The following IMMP1L variants were observed in gnomAD, a reference collection of about 807,000 sequenced individuals.
IMMP1L encodes mitochondrial inner membrane protease subunit 1.
IMMP1L carries 24 observed loss-of-function variants against 21.8 expected under a neutral mutation model. The ratio of observed to expected loss-of-function variants is 1.10; its 90% CI spans 0.80 to 1.55. The LOEUF is 1.55. Among genes scored for constraint, IMMP1L ranks in the 40% most tolerant of loss-of-function variants. The probability of loss-of-function intolerance (pLI) is 0.00; values close to 1 mark genes in which losing one functional copy is unlikely to be tolerated. For synonymous variants in IMMP1L, 46 were observed against 62.8 expected (o/e 0.73, Z 1.26); for missense variants, 195 against 200.7 (o/e 0.97, Z 0.17).
intron 4 of IMMP1L, among the ~76,000 whole-genome samples, chr11:31,442,522 CAA>C (rs1222388916): frequency 2.0e-5 from 3 of 152,122 alleles, no homozygotes; most frequent in Admixed American, 1.3e-4. Context: ...GTTTGACCTT[CAA>C]AAGTTTCAAA....
In IMMP1L at chr11:31,432,492, A is replaced by T; in HGVS notation, c.*8T>A. ...AGACAATAATCAAGTCAAAAGAATA[A>T]ATGCTTACTAATCATCAGAAAATCT... On this transcript the variant is annotated 3_prime_UTR_variant, in exon 6 of 6. Transcript: ENST00000532287. 1 of 1,601,848 alleles carries T rather than the reference A, an allele frequency of 6.2e-7. No individual in the cohort carries two copies. Among genetic ancestry groups the T allele is most frequent in the South Asian group, 1.1e-5 (1 of 90,768 alleles).
chr11:31,459,162 A>G (rs1276122921), intron 3 of IMMP1L, among the ~76,000 whole-genome samples: 1 of 152,252 alleles, frequency 6.6e-6, no homozygotes, highest in African/African-American at 2.4e-5. Context: ...TGGGTAAAAG[A>G]TTTGAAGAAG....
chr11:31,439,991 G>A (rs758360444), intron 4 of IMMP1L, among the ~76,000 whole-genome samples: 1 of 152,140 alleles, frequency 6.6e-6, no homozygotes, highest in African/African-American at 2.4e-5. Context: ...GCACAATTTA[G>A]TATTGAGCCC....
At chr11:31,500,635 A>C (rs1955590861) in intron 1 of IMMP1L, among the ~76,000 whole-genome samples, 1 of 149,030 alleles carries the variant, frequency 6.7e-6, no homozygotes, top group African/African-American at 2.5e-5. Context: ...ACACTCCCCA[A>C]AGAGAGGGTG....
At chr11:31,494,496 G>A (rs773261122) in intron 1 of IMMP1L, among the ~76,000 whole-genome samples, 25 of 152,144 alleles carry the variant, frequency 1.6e-4, no homozygotes, top group African/African-American at 4.1e-4. Context: ...AAGGGCTGCC[G>A]TGACATGTCC....
At chr11:31,490,155 T>C (rs977672141) in intron 1 of IMMP1L, among the ~76,000 whole-genome samples, 8 of 152,170 alleles carry the variant, frequency 5.3e-5, no homozygotes, top group Non-Finnish European at 1.5e-5. Flanking sequence ...GCGCTATTTA[T>C]TCACATATGT....
chr11:31,489,065 T>C (rs1463186885), intron 1 of IMMP1L, among the ~76,000 whole-genome samples: 1 of 151,622 alleles, frequency 6.6e-6, no homozygotes, highest in African/African-American at 2.4e-5. Flanking sequence ...CCCAGCTAAT[T>C]TTTTTGTATT....
intron 1 of IMMP1L, among the ~76,000 whole-genome samples, chr11:31,467,859 A>T (rs1212570081): frequency 6.6e-6 from 1 of 151,618 alleles, no homozygotes; most frequent in Non-Finnish European, 1.5e-5. Context: ...TAACACAATG[A>T]CCAAATTTAG....
At chr11:31,482,164 T>C (rs919782442) in intron 1 of IMMP1L, among the ~76,000 whole-genome samples, 1 of 152,094 alleles carries the variant, frequency 6.6e-6, no homozygotes, top group African/African-American at 2.4e-5. Context: ...CACCTCATTT[T>C]TTCTGTCTCC....
At chr11:31,507,773 A>G (rs1315528008) in intron 1 of IMMP1L, among the ~76,000 whole-genome samples, 1 of 152,232 alleles carries the variant, frequency 6.6e-6, no homozygotes, top group African/African-American at 2.4e-5. Flanking sequence ...CAAGCTGACT[A>G]TAGTTAATAA....
intron 1 of IMMP1L, among the ~76,000 whole-genome samples, chr11:31,471,036 T>C (rs1310707817): frequency 6.6e-6 from 1 of 152,216 alleles, no homozygotes; most frequent in Admixed American, 6.5e-5. Flanking sequence ...AGAAATAAGT[T>C]CTACTGTTCT....
chr11:31,502,516 C>T (rs1473674119), intron 1 of IMMP1L, among the ~76,000 whole-genome samples: 3 of 152,156 alleles, frequency 2.0e-5, no homozygotes, highest in African/African-American at 7.2e-5. Flanking sequence ...CTTCAGGAGC[C>T]TGTGGGACCC....
At chr11:31,463,427 G>T in intron 1 of IMMP1L, 122 bp from the exon 2 acceptor site, 1 of 864,310 alleles carries the variant, frequency 1.2e-6, no homozygotes, top group Non-Finnish European at 1.6e-6. Flanking sequence ...ATTTGGTGCA[G>T]GAAACCAAGA....
chr11:31,490,469 TAAAA>T (rs60971392), intron 1 of IMMP1L, among the ~76,000 whole-genome samples: 1 of 131,772 alleles, frequency 7.6e-6, no homozygotes. Context: ...AGACTCCATC[TAAAA>T]AAAAAAAAAA....
chr11:31,449,013 T>C (rs1003227510), intron 4 of IMMP1L: 21 of 984,712 alleles, frequency 2.1e-5, no homozygotes, highest in Non-Finnish European at 2.5e-5. Flanking sequence ...ATCAAGGCAT[T>C]AGCAGTATGC....
chr11:31,467,533 A>G (rs1954398010), intron 1 of IMMP1L, among the ~76,000 whole-genome samples: 2 of 152,190 alleles, frequency 1.3e-5, no homozygotes, highest in African/African-American at 2.4e-5. Context: ...TTGAGACAAC[A>G]TAAGCCTAAA....
Position 31,460,611 on chromosome 11 carries a change from A to G in IMMP1L, c.194+15T>C. On this transcript the variant is annotated intron_variant, in intron 3 of 5. Coordinates refer to ENST00000532287, the MANE Select transcript of IMMP1L (RefSeq NM_001304274.2). ...TTTTCACTGTAAATTTAATATATCC[A>G]TGACAGAAATTTACCTTTGGATACC... The G allele has an allele frequency of 6.6e-7, 1 of 1,505,014 alleles. No homozygotes were observed. Among genetic ancestry groups the G allele is most frequent in the African/African-American group, 1.4e-5 (1 of 72,852 alleles). The allele number at this position is 1,505,014 out of a possible 1,614,324, so 93.2% of individuals were successfully genotyped here. A position where few individuals can be genotyped will look rare whatever the true frequency, so the allele number is the denominator to read the frequency against.
intron 1 of IMMP1L, among the ~76,000 whole-genome samples, chr11:31,488,500 A>T (rs1955154210): frequency 6.6e-6 from 1 of 152,216 alleles, no homozygotes; most frequent in Non-Finnish European, 1.5e-5. Flanking sequence ...TATGAGATCA[A>T]CCTAGAAAGA....
At chr11:31,486,404 A>C (rs1955078297) in intron 1 of IMMP1L, among the ~76,000 whole-genome samples, 1 of 151,918 alleles carries the variant, frequency 6.6e-6, no homozygotes, top group African/African-American at 2.4e-5. Flanking sequence ...AAAGTGAAAC[A>C]GAGTTACTGC....
Sources: gnomAD v4.1 joint callset for allele counts (sites outside exome capture counted in the v4.1 genomes callset) on GRCh38, gnomAD v4.1.1 for gene constraint, MANE v1.5 for transcripts, NCBI Gene and HGNC (gene_info 2026-07-23, HGNC 2026-07-21) for gene names.